Variants in DNAH8 observed in about 807,000 individuals in gnomAD.
The protein encoded by DNAH8 is dynein axonemal heavy chain 8.
A neutral mutation model predicts 562.1 loss-of-function variants in DNAH8; 382 were observed. The ratio of observed to expected loss-of-function variants is 0.68; its 90% CI spans 0.63 to 0.74. The LOEUF is 0.74. DNAH8 is among the 30% of genes least tolerant of loss of function. DNAH8 has a pLI of 0.00. For synonymous variants in DNAH8, 1,881 were observed against 1,919.4 expected, an observed-to-expected ratio of 0.98 and a Z score of 0.52; for missense variants, 5,203 against 5,620.4, an observed-to-expected ratio of 0.93 and a Z score of 2.37.
rs77488760 is a variant in DNAH8 at position 38,788,602 on chromosome 6, C to G, written c.2584-1201C>G. Among the ~76,000 whole-genome samples, 1,626 of 152,254 alleles carry G rather than the reference C, an allele frequency of 0.011. 82 individuals carry two copies. The East Asian group carries it at 0.14, about 14-fold the overall frequency. Reference sequence around the variant, plus strand: ...ATACTTTCGTTCAGCAGCATCTATTCAGATCCTTTGCTCATTTTTAAATTG... The same window carrying G: ...ATACTTTCGTTCAGCAGCATCTATTGAGATCCTTTGCTCATTTTTAAATTG... On this transcript the variant is annotated intron_variant, in intron 18 of 92. Coordinates refer to ENST00000327475, the MANE Select transcript of DNAH8 (RefSeq NM_001206927.2).
chr6:38,908,124 A>G lies in DNAH8; in HGVS notation c.9513+4A>G. 6.5e-7 allele frequency: 1 copy of G among 1,534,202 alleles called. No homozygotes were observed. Among genetic ancestry groups the G allele is most frequent in the East Asian group, 2.3e-5 (1 of 42,750 alleles). On this transcript the variant is annotated splice_donor_region_variant and intron_variant, in intron 64 of 92. Coordinates refer to ENST00000327475, the MANE Select transcript of DNAH8 (RefSeq NM_001206927.2). Reference sequence around the variant, plus strand: ...TGTTGTTCTCTGCTTTTCTCCAGTAAGTTTTTATTTTTATTTATATCTACG... The same window carrying G: ...TGTTGTTCTCTGCTTTTCTCCAGTAGGTTTTTATTTTTATTTATATCTACG...
At chr6:38,758,078 G>A (rs1294777603) in intron 10 of DNAH8, among the ~76,000 whole-genome samples, 1 of 152,192 alleles carries the variant, frequency 6.6e-6, no homozygotes, top group Non-Finnish European at 1.5e-5. Flanking sequence ...GTCATAGGTA[G>A]CTTGATGGGG....
chr6:38,791,424 A>G (rs1467154225), intron 20 of DNAH8, 131 bp from the exon 21 acceptor site: 2 of 1,140,258 alleles, frequency 1.8e-6, no homozygotes, highest in African/African-American at 1.6e-5. Context: ...TCACCAAATT[A>G]TGCTTGGCTC....
chr6:38,772,842 A>G (rs558504240), intron 12 of DNAH8, among the ~76,000 whole-genome samples: 1 of 148,520 alleles, frequency 6.7e-6, no homozygotes, highest in African/African-American at 2.4e-5. Context: ...AAAAATTGAG[A>G]TGGGGTCCTG....
chr6:38,781,453 G>A (rs1768605731), intron 16 of DNAH8, 80 bp downstream of exon 16: 29 of 1,471,562 alleles, frequency 2.0e-5, no homozygotes, highest in Non-Finnish European at 2.4e-5. Flanking sequence ...TAATATTTGT[G>A]TGCATTAAAG....
chr6:38,882,020 G>A (rs1407177631), intron 53 of DNAH8, among the ~76,000 whole-genome samples: 1 of 152,130 alleles, frequency 6.6e-6, no homozygotes, highest in Non-Finnish European at 1.5e-5. Context: ...TTCTCCAGAT[G>A]GGTGAGTTAG....
intron 24 of DNAH8, among the ~76,000 whole-genome samples, chr6:38,808,453 C>A (rs1771496226): frequency 6.6e-6 from 1 of 152,184 alleles, no homozygotes; most frequent in Admixed American, 6.5e-5. Flanking sequence ...AATATACTTT[C>A]TTGTGTTTAT....
At chr6:38,944,488 A>G (rs1783693207) in intron 79 of DNAH8, among the ~76,000 whole-genome samples, 1 of 152,240 alleles carries the variant, frequency 6.6e-6, no homozygotes, top group Non-Finnish European at 1.5e-5. Context: ...AAGGAAGATG[A>G]TAAGATTTAA....
At chr6:38,920,272 G>C (rs1487718430) in intron 70 of DNAH8, among the ~76,000 whole-genome samples, 2 of 152,068 alleles carry the variant, frequency 1.3e-5, no homozygotes, top group Non-Finnish European at 2.9e-5. Flanking sequence ...GTGAGCCACT[G>C]TGCCAGGCTG....
intron 91 of DNAH8, among the ~76,000 whole-genome samples, chr6:39,022,974 A>G (rs1767025541): frequency 6.6e-6 from 1 of 152,184 alleles, no homozygotes; most frequent in African/African-American, 2.4e-5. Context: ...GAGGGGGAAG[A>G]ATTTTTTTTA....
chr6:38,915,411 G>A (rs908631638), intron 68 of DNAH8, 34 bp downstream of exon 68: 2 of 1,436,688 alleles, frequency 1.4e-6, no homozygotes, highest in Non-Finnish European at 1.8e-6. Context: ...TCCAACACAA[G>A]TCCTAGAAGG....
At chr6:39,025,207 A>G (rs961383344) in intron 91 of DNAH8, among the ~76,000 whole-genome samples, 1 of 152,196 alleles carries the variant, frequency 6.6e-6, no homozygotes, top group Non-Finnish European at 1.5e-5. Flanking sequence ...GCAAACTCCT[A>G]TGTAGCTCTC....
At chr6:38,804,845 C>T (rs1443236816) in intron 22 of DNAH8, among the ~76,000 whole-genome samples, 1 of 145,152 alleles carries the variant, frequency 6.9e-6, no homozygotes, top group African/African-American at 2.6e-5. Context: ...AGGGATTTTG[C>T]CCCCAAGGGA....
intron 91 of DNAH8, among the ~76,000 whole-genome samples, chr6:39,026,116 A>T (rs965585181): frequency 6.6e-6 from 1 of 152,222 alleles, no homozygotes; most frequent in South Asian, 2.1e-4. Flanking sequence ...TTGTTCCATT[A>T]TAGCAAATAG....
At chr6:38,939,925 G>C (rs1028098281) in intron 79 of DNAH8, among the ~76,000 whole-genome samples, 1 of 152,184 alleles carries the variant, frequency 6.6e-6, no homozygotes, top group East Asian at 1.9e-4. Context: ...AACGAGTGGA[G>C]AACATCTAAG....
intron 23 of DNAH8, 71 bp from the exon 24 acceptor site, chr6:38,807,539 G>A (rs1012060267): frequency 2.8e-5 from 19 of 673,492 alleles, no homozygotes; most frequent in Admixed American, 2.7e-4. Flanking sequence ...CTAATATTCT[G>A]TCATTGTTTT....
intron 91 of DNAH8, among the ~76,000 whole-genome samples, chr6:39,021,504 G>A (rs1412283097): frequency 6.6e-6 from 1 of 152,234 alleles, no homozygotes; most frequent in East Asian, 1.9e-4. Context: ...ATTTTCAGCA[G>A]TTTAATGTCC....
In DNAH8 at chr6:38,999,915, TTA is replaced by T. The variant is rs558356654; in HGVS notation, c.13215-8896_13215-8895del. On this transcript the variant is annotated intron_variant, in intron 88 of 92. Transcript: ENST00000327475. ...GAATACAAAAGTTGTAATAAGGCATTTATACACACACACACACAAACACACAC... is the reference window on the plus strand; with the variant it reads ...GAATACAAAAGTTGTAATAAGGCATTTACACACACACACACAAACACACAC... 3.4e-3 allele frequency among the ~76,000 whole-genome samples: 303 copies of T among 88,506 alleles called. 2 individuals carry two copies. Among genetic ancestry groups the T allele is most frequent in the African/African-American group, 0.016 (285 of 18,174 alleles). 58.1% of individuals were successfully genotyped at this position (88,506 alleles called of 152,430 possible). A position where few individuals can be genotyped will look rare whatever the true frequency, so the allele number is the denominator to read the frequency against.
chr6:38,960,187 C>T (rs936197958), intron 82 of DNAH8, among the ~76,000 whole-genome samples: 6 of 151,966 alleles, frequency 3.9e-5, no homozygotes, highest in African/African-American at 1.4e-4. Flanking sequence ...GAAGGAAATG[C>T]TCCAGAACAT....
Sources: allele counts gnomAD v4.1 joint callset (sites outside exome capture counted in the v4.1 genomes callset), GRCh38; gene constraint gnomAD v4.1.1; transcripts MANE v1.5; gene names NCBI Gene and HGNC (gene_info 2026-07-23, HGNC 2026-07-21).